Variants in NOX5 observed in about 807,000 individuals in gnomAD.
NOX5 encodes NADPH oxidase, EF-hand calcium binding domain 5.
In NOX5, 76 loss-of-function variants were observed where a neutral mutation model predicts 85.7. The observed-to-expected ratio is 0.89, with a 90% CI of 0.74 to 1.07. The LOEUF (loss-of-function observed/expected upper bound fraction) is 1.07. Ranked by LOEUF, NOX5 falls within the 50% of genes least tolerant of loss-of-function variation. NOX5 has a pLI of 0.00. For synonymous variants in NOX5, 405 were observed against 401.4 expected (o/e 1.01, Z -0.11); for missense variants, 973 against 999.5 (o/e 0.97, Z 0.36).
rs1254516858 is a variant in NOX5 at position 69,061,280 on chromosome 15, A to G, written c.*4584A>G. The stretch of plus-strand genomic sequence containing the variant: ...CAGGGGTCACTCCGTGGGCTCTTCA[A>G]TAAGGGAGGCTCCTATAGTGCCCAT... On this transcript the variant is annotated 3_prime_UTR_variant, in exon 16 of 16. Transcript: ENST00000388866. 6.6e-6 allele frequency: 1 copy of G among 152,250 alleles called. No individual in the cohort carries two copies. Among genetic ancestry groups the G allele is most frequent in the Non-Finnish European group, 1.5e-5 (1 of 68,038 alleles). The allele number at this position is 152,250 out of a possible 1,614,324, so 9.4% of individuals were successfully genotyped here. A position where few individuals can be genotyped will look rare whatever the true frequency, so the allele number is the denominator to read the frequency against.
chr15:69,039,036 C>T (rs1185860784), intron 9 of NOX5, 47 bp downstream of exon 9: 3 of 1,601,582 alleles, frequency 1.9e-6, no homozygotes, highest in African/African-American at 2.7e-5. Flanking sequence ...CACTGAGTTC[C>T]TACCGTGGGC....
intron 14 of NOX5, among the ~76,000 whole-genome samples, chr15:69,054,157 G>A (rs1398436516): frequency 6.6e-6 from 1 of 151,524 alleles, no homozygotes; most frequent in Non-Finnish European, 1.5e-5. Context: ...GGCTTGAACC[G>A]ACGCTCAAGC....
rs992148650 is a variant in NOX5, at chr15:69,062,554, T to G, written c.*5858T>G. On this transcript the variant is annotated 3_prime_UTR_variant, in exon 16 of 16. Coordinates refer to ENST00000388866, the MANE Select transcript of NOX5 (RefSeq NM_024505.4). ...CAATGTCCACCTTGCTTTTTTTACT[T>G]TAAATAGCATCATTTCGTGCTCCCC... 6.6e-6 allele frequency: 1 copy of G among 152,184 alleles called. No homozygotes were observed. Among genetic ancestry groups the G allele is most frequent in the Non-Finnish European group, 1.5e-5 (1 of 68,034 alleles). The allele number at this position is 152,184 out of a possible 1,614,324, so 9.4% of individuals were successfully genotyped here.
Position 69,026,586 on chromosome 15 carries a change from A to T in NOX5, c.109A>T (p.Thr37Ser). The T allele has an allele frequency of 6.2e-7, 1 of 1,614,190 alleles. No individual in the cohort carries two copies. The highest frequency in any genetic ancestry group is 1.6e-4 in the Middle Eastern group (1 of 6,062). Reference protein sequence around the residue: ...WLRWVTQQFKTIAGEDGEISL... With the variant: ...WLRWVTQQFKSIAGEDGEISL... ...CCGGTGGGTGACTCAGCAGTTTAAG[A>T]CCATTGCAGGAGAAGATGGGGAGAT... The change falls in exon 2 of 16, where the codon ACC (threonine) becomes TCC (serine). Residue 37 changes from threonine to serine, a missense_variant. Thr to Ser is a moderately conservative substitution (Grantham distance 58). Transcript: ENST00000388866.
At chr15:69,049,106 T>C (rs765401526) in intron 14 of NOX5, 48 bp downstream of exon 14, 2 of 1,205,082 alleles carry the variant, frequency 1.7e-6, no homozygotes, top group African/African-American at 1.5e-5. Context: ...GGCAGGGGCC[T>C]TCAGCTTCTT....
rs1167029558 is a variant in NOX5 at position 69,033,276 on chromosome 15, C to T, written c.854C>T (p.Ala285Val). Residue 285 changes from alanine to valine, a missense_variant and splice_region_variant, in exon 5 of 16, where the codon GCG (alanine) becomes GTG (valine). Transcript: ENST00000388866. Reference sequence around the variant, plus strand: ...CTCAACTTCGACTGCAGCTTCATCGCGGTAGGCTCTGCCAGCACACGGTGC... The same window carrying T: ...CTCAACTTCGACTGCAGCTTCATCGTGGTAGGCTCTGCCAGCACACGGTGC... ...QCLNFDCSFI[A>V]VLMLRRCLTW... is the part of the protein sequence containing the mutation. 7.5e-6 allele frequency: 12 copies of T among 1,593,482 alleles called. No individual in the cohort carries two copies. The highest frequency in any genetic ancestry group is 4.0e-5 in the African/African-American group (3 of 74,182).
At position 69,062,202 on chromosome 15, in the gene NOX5, G is replaced by A. The variant is rs752049163; in HGVS notation, c.*5506G>A. 2.6e-5 allele frequency: 4 copies of A among 151,924 alleles called. No homozygotes were observed. The highest frequency in any genetic ancestry group is 5.9e-5 in the Non-Finnish European group (4 of 67,990). The allele number at this position is 151,924 out of a possible 1,614,324, so 9.4% of individuals were successfully genotyped here. ...TCTCAAGCACATTTCCTTCCCCACT[G>A]GCCCTGCCTTGGTTCAGTCCTTAAA... On this transcript the variant is annotated 3_prime_UTR_variant, in exon 16 of 16. Transcript: ENST00000388866.
intron 9 of NOX5, among the ~76,000 whole-genome samples, chr15:69,041,240 A>G (rs1056205323): frequency 6.6e-6 from 1 of 152,144 alleles, no homozygotes; most frequent in Non-Finnish European, 1.5e-5. Context: ...GCGACTTGGG[A>G]TGCTGATGCC....
At chr15:69,035,295 A>T (rs752751383) in intron 5 of NOX5, 59 bp from the exon 6 acceptor site, 232 of 1,570,880 alleles carry the variant, frequency 1.5e-4, no homozygotes, top group Non-Finnish European at 1.8e-4. Context: ...GGTGGCTGGG[A>T]AAAGAGGACA....
intron 10 of NOX5, among the ~76,000 whole-genome samples, chr15:69,044,200 A>G (rs2050633512): frequency 6.6e-6 from 1 of 151,964 alleles, no homozygotes. Flanking sequence ...AAAAAAAGCT[A>G]ATTGGACAGG....
chr15:69,045,546 T>TTCTTTCTTTCTTTCTTTC (rs1158655338), intron 10 of NOX5, among the ~76,000 whole-genome samples: 147 of 132,568 alleles, frequency 1.1e-3, no homozygotes, highest in Non-Finnish European at 1.8e-3. Context: ...TTTTCTTTCT[T>TTCTTTCTTTCTTTCTTTC]TCTTTCTTTC....
chr15:69,049,031 A>G lies in NOX5; in HGVS notation c.1972A>G (p.Met658Val). The G allele has an allele frequency of 6.2e-7, 1 of 1,612,620 alleles. No individual in the cohort carries two copies. Among genetic ancestry groups the G allele is most frequent in the Non-Finnish European group, 8.5e-7 (1 of 1,179,538 alleles). ...WFVSLLTKLE[M>V]DQAEEAQYGR... The stretch of plus-strand genomic sequence containing the variant: ...TGTGAGCCTGCTGACTAAACTGGAG[A>G]TGGACCAGGCCGAGGAGGCTCAATA... The change falls in exon 14 of 16, where the codon ATG (methionine) becomes GTG (valine). Residue 658 changes from methionine to valine, a missense_variant. Coordinates refer to ENST00000388866, the MANE Select transcript of NOX5 (RefSeq NM_024505.4).
Position 69,031,790 on chromosome 15 carries a change from G to T in NOX5, c.598G>T (p.Val200Phe). The change falls in exon 4 of 16, where the codon GTC (valine) becomes TTC (phenylalanine). Residue 200 changes from valine to phenylalanine, a missense_variant. Transcript: ENST00000388866. ...LRDELQRFPGVMENLTISAAH... is the reference protein window; with the variant it reads ...LRDELQRFPGFMENLTISAAH... ...GGACGAGCTGCAGCGCTTCCCCGGA[G>T]TCATGGAGAACCTGACCATCAGGTA... 1 of 1,602,854 alleles carries T rather than the reference G, an allele frequency of 6.2e-7. No individual in the cohort carries two copies. The highest frequency in any genetic ancestry group is 8.5e-7 in the Non-Finnish European group (1 of 1,171,636).
At position 69,060,686 on chromosome 15, in the gene NOX5, G is replaced by A. The variant is rs1411639975; in HGVS notation, c.*3990G>A. Reference sequence around the variant, plus strand: ...TTATTTTAAAAAGAAACCCCAAATAGGATGTCATGTAAAAGAAAAGAAAAA... The same window carrying A: ...TTATTTTAAAAAGAAACCCCAAATAAGATGTCATGTAAAAGAAAAGAAAAA... On this transcript the variant is annotated 3_prime_UTR_variant, in exon 16 of 16. Coordinates refer to ENST00000388866, the MANE Select transcript of NOX5 (RefSeq NM_024505.4). 3 of 152,042 alleles carry A rather than the reference G, an allele frequency of 2.0e-5. No individual in the cohort carries two copies. Among genetic ancestry groups the A allele is most frequent in the African/African-American group, 4.8e-5 (2 of 41,398 alleles). 9.4% of individuals were successfully genotyped at this position (152,042 alleles called of 1,614,324 possible).
chr15:69,033,100 G>A lies in NOX5; in HGVS notation c.678G>A (p.Gln226=), dbSNP rs1295724029. Residue 226 remains glutamine, a synonymous_variant, in exon 5 of 16, where the codon CAG becomes CAA. Transcript: ENST00000388866. ...APRPRPRRPR[Q]LTRAYWHNHR... is the part of the protein sequence containing the mutation. ...GCCCACGCCCGCGCCGGCCGCGCCA[G>A]CTGACCCGCGCCTACTGGCACAACC... 6.4e-7 allele frequency: 1 copy of A among 1,551,540 alleles called. No individual in the cohort carries two copies. Among genetic ancestry groups the A allele is most frequent in the Non-Finnish European group, 8.7e-7 (1 of 1,155,680 alleles).
At chr15:69,041,622 G>T (rs2050595399) in intron 9 of NOX5, among the ~76,000 whole-genome samples, 1 of 152,176 alleles carries the variant, frequency 6.6e-6, no homozygotes, top group African/African-American at 2.4e-5. Context: ...GGCTCGTTGG[G>T]TCCTGCTACA....
intron 3 of NOX5, 140 bp from the exon 4 acceptor site, chr15:69,031,378 C>G: frequency 2.1e-6 from 2 of 949,580 alleles, no homozygotes; most frequent in Non-Finnish European, 3.1e-6. Flanking sequence ...TGCTGTTGAG[C>G]TAGGCAGTCG....
In NOX5 at chr15:69,037,162, C is replaced by T. The variant is rs756485871; in HGVS notation, c.1323C>T (p.Ser441=). Residue 441 remains serine (S), a synonymous_variant, in exon 8 of 16, where the codon TCC becomes TCT. Coordinates refer to ENST00000388866, the MANE Select transcript of NOX5 (RefSeq NM_024505.4). ...AGAAGGCCATCGGACTGGCAGTGTC[C>T]CGCATGGCAGCCGTGTGCATCATGG... is the stretch of plus-strand genomic sequence containing the variant. ...FLEKAIGLAV[S]RMAAVCIMEV... is the part of the protein sequence containing the mutation. 9 of 1,613,846 alleles carry T rather than the reference C, an allele frequency of 5.6e-6. No individual in the cohort carries two copies. In the South Asian group the frequency reaches 8.8e-5, roughly 16 times the overall value.
intron 2 of NOX5, among the ~76,000 whole-genome samples, chr15:69,026,945 CT>C (rs1324710829): frequency 2.0e-5 from 3 of 152,186 alleles, no homozygotes; most frequent in Admixed American, 6.5e-5. Context: ...CTTAAGCTTC[CT>C]CTCAAGATAA....
Sources: allele counts gnomAD v4.1 joint callset (sites outside exome capture counted in the v4.1 genomes callset), GRCh38; gene constraint gnomAD v4.1.1; transcripts MANE v1.5; gene names NCBI Gene and HGNC (gene_info 2026-07-23, HGNC 2026-07-21).